HHAT: variants seen among roughly 807,000 people sequenced by gnomAD.
HHAT encodes hedgehog acyltransferase, also known as protein-cysteine N-palmitoyltransferase HHAT.
Under a neutral mutation model 70.8 loss-of-function variants are expected in HHAT, and 47 were observed. The observed-to-expected ratio is 0.66, with a 90% CI of 0.53 to 0.85. The LOEUF (loss-of-function observed/expected upper bound fraction) is 0.85, where lower values mean the gene tolerates loss of function less well. Ranked by LOEUF, HHAT falls within the 40% of genes least tolerant of loss-of-function variation. The probability of loss-of-function intolerance (pLI) is 0.00; values close to 1 mark genes in which losing one functional copy is unlikely to be tolerated. For missense variants in HHAT, 609 were observed against 604.8 expected (o/e 1.01, Z -0.07); for synonymous variants, 228 against 247.6 (o/e 0.92, Z 0.74).
rs1404967475 is a variant in HHAT at position 210,623,655 on chromosome 1, A to G, written c.1375A>G (p.Arg459Gly). Residue 459 changes from arginine to glycine, a missense_variant, in exon 11 of 12, where the codon AGG becomes GGG. By Grantham distance (125) the Arg-to-Gly change is moderately radical. Coordinates refer to ENST00000261458, the MANE Select transcript of HHAT (RefSeq NM_018194.6). ...TGAGGTTGGGAAAACCTACTGGAAT[A>G]GGATCTTCATACAAGGTAAGTTGCT... is the stretch of plus-strand genomic sequence containing the variant. ...GNEVGKTYWNRIFIQGWPWVT... is the reference protein window; with the variant it reads ...GNEVGKTYWNGIFIQGWPWVT... The G allele has an allele frequency of 1.9e-6, 3 of 1,613,874 alleles. No individual in the cohort carries two copies. In the Admixed American group the frequency reaches 5.0e-5, roughly 27 times the overall value.
intron 7 of HHAT, among the ~76,000 whole-genome samples, chr1:210,437,989 C>G (rs1210006270): frequency 2.6e-5 from 4 of 151,854 alleles, no homozygotes; most frequent in Admixed American, 1.3e-4. Context: ...CTGTTCATTT[C>G]CAGCAGATTC....
intron 11 of HHAT, among the ~76,000 whole-genome samples, chr1:210,670,145 A>T (rs1160144576): frequency 6.6e-6 from 1 of 152,182 alleles, no homozygotes; most frequent in Admixed American, 6.5e-5. Context: ...ATGTTGCCAG[A>T]ATGACAGCTT....
At position 210,528,788 on chromosome 1, in the gene HHAT, A is replaced by G. The variant is rs939041351; in HGVS notation, c.1043+15600A>G. Among the ~76,000 whole-genome samples, 53 of 152,194 alleles carry G rather than the reference A, an allele frequency of 3.5e-4. 2 individuals carry two copies. The highest frequency in any genetic ancestry group is 1.3e-3 in the African/African-American group (52 of 41,434). ...CTTTCCTGAAAGAGAAAAATGTGAT[A>G]GTACCATCAGGGATCTGGAAATCGG... On this transcript the variant is annotated intron_variant, in intron 9 of 11. Transcript: ENST00000261458.
At chr1:210,497,490 A>G (rs1450543216) in intron 8 of HHAT, among the ~76,000 whole-genome samples, 1 of 152,164 alleles carries the variant, frequency 6.6e-6, no homozygotes, top group East Asian at 1.9e-4. Context: ...TCATTTCTTG[A>G]TATAAAGTGA....
At chr1:210,484,938 T>TC (rs567192212) in intron 8 of HHAT, among the ~76,000 whole-genome samples, 42 of 152,238 alleles carry the variant, frequency 2.8e-4, no homozygotes, top group African/African-American at 9.6e-4. Context: ...TCACCTTTTT[T>TC]CCCTCTGTGG....
intron 7 of HHAT, among the ~76,000 whole-genome samples, chr1:210,442,027 A>AG (rs2093525282): frequency 8.2e-6 from 1 of 122,664 alleles, no homozygotes. Context: ...CAGTCCCCAG[A>AG]GTGTGATATT....
At chr1:210,614,500 G>A (rs1573741514) in intron 10 of HHAT, among the ~76,000 whole-genome samples, 1 of 152,092 alleles carries the variant, frequency 6.6e-6, no homozygotes, top group Non-Finnish European at 1.5e-5. Context: ...CCATGTTGGT[G>A]TGCTGCACCC....
intron 10 of HHAT, among the ~76,000 whole-genome samples, chr1:210,605,579 C>T (rs1665221397): frequency 6.6e-6 from 1 of 152,210 alleles, no homozygotes. Context: ...CACATTATCT[C>T]ATGTGATGTT....
chr1:210,626,216 G>A (rs1326926803), intron 11 of HHAT, among the ~76,000 whole-genome samples: 1 of 152,198 alleles, frequency 6.6e-6, no homozygotes, highest in Non-Finnish European at 1.5e-5. Flanking sequence ...AGAGAGAAAG[G>A]CAGGAAGATC....
chr1:210,519,458 C>T (rs998483174), intron 9 of HHAT, among the ~76,000 whole-genome samples: 1 of 151,428 alleles, frequency 6.6e-6, no homozygotes, highest in Non-Finnish European at 1.5e-5. Context: ...TACTAATTTA[C>T]ATTGTCACCA....
chr1:210,608,758 C>T (rs1666010569), intron 10 of HHAT, among the ~76,000 whole-genome samples: 1 of 152,040 alleles, frequency 6.6e-6, no homozygotes, highest in South Asian at 2.1e-4. Flanking sequence ...GGCTGGGAGT[C>T]AAAGATCAAG....
chr1:210,425,120 C>A (rs1422564691), intron 7 of HHAT, among the ~76,000 whole-genome samples: 1 of 151,804 alleles, frequency 6.6e-6, no homozygotes, highest in African/African-American at 2.4e-5. Context: ...CTTTTTTTTC[C>A]CCACATGATT....
At chr1:210,354,818 G>A (rs1225568752) in intron 2 of HHAT, among the ~76,000 whole-genome samples, 5 of 152,078 alleles carry the variant, frequency 3.3e-5, no homozygotes, top group Admixed American at 3.3e-4. Context: ...TTCTTAGGCT[G>A]TTCTTACTGG....
chr1:210,566,959 C>T (rs997791779), intron 9 of HHAT, among the ~76,000 whole-genome samples: 8 of 152,216 alleles, frequency 5.3e-5, no homozygotes, highest in Non-Finnish European at 7.3e-5. Flanking sequence ...AACACATGCC[C>T]ATTTGGGCTT....
intron 10 of HHAT, among the ~76,000 whole-genome samples, chr1:210,607,586 G>A (rs1424466457): frequency 2.0e-5 from 3 of 152,230 alleles, no homozygotes; most frequent in East Asian, 3.9e-4. Flanking sequence ...GGAGAGGGAG[G>A]CCCCCAGTAC....
At chr1:210,440,041 T>C (rs2093469650) in intron 7 of HHAT, among the ~76,000 whole-genome samples, 1 of 151,834 alleles carries the variant, frequency 6.6e-6, no homozygotes, top group Admixed American at 6.6e-5. Context: ...GAGATGGTTT[T>C]TAGCAGAGGC....
intron 9 of HHAT, among the ~76,000 whole-genome samples, chr1:210,516,759 G>T (rs987870012): frequency 6.6e-6 from 1 of 151,924 alleles, no homozygotes; most frequent in African/African-American, 2.4e-5. Flanking sequence ...GCTGCAGCAT[G>T]CCCTGAAATT....
chr1:210,619,269 C>G (rs558694651), intron 10 of HHAT, among the ~76,000 whole-genome samples: 1 of 152,272 alleles, frequency 6.6e-6, no homozygotes, highest in Non-Finnish European at 1.5e-5. Flanking sequence ...TTCTAATGAG[C>G]CCCACCTCCC....
At chr1:210,347,274 T>C (rs2147964224) in intron 1 of HHAT, among the ~76,000 whole-genome samples, 1 of 152,320 alleles carries the variant, frequency 6.6e-6, no homozygotes, top group East Asian at 1.9e-4. Context: ...GGCTCAGTTA[T>C]TTCTGGCTCT....
Sources: allele counts gnomAD v4.1 joint callset (sites outside exome capture counted in the v4.1 genomes callset), GRCh38; gene constraint gnomAD v4.1.1; transcripts MANE v1.5; gene names NCBI Gene and HGNC (gene_info 2026-07-23, HGNC 2026-07-21).